The following INSYN2B variants were observed in gnomAD, a reference collection of about 807,000 sequenced individuals.
The protein encoded by INSYN2B is inhibitory synaptic factor family member 2B.
INSYN2B carries 16 observed loss-of-function variants against 41.2 expected under a neutral mutation model. That is an observed-to-expected ratio of 0.39 (90% CI 0.26 to 0.59). The LOEUF (loss-of-function observed/expected upper bound fraction) is 0.59. INSYN2B is among the 20% of genes least tolerant of loss of function. The probability of loss-of-function intolerance (pLI) is 0.57; values close to 1 mark genes in which losing one functional copy is unlikely to be tolerated. For synonymous variants in INSYN2B, 245 were observed against 244.4 expected, an observed-to-expected ratio of 1.00 and a Z score of -0.02; for missense variants, 608 against 646.4, an observed-to-expected ratio of 0.94 and a Z score of 0.64.
At chr5:169,959,850 A>G (rs1777013019) in intron 1 of INSYN2B, among the ~76,000 whole-genome samples, 1 of 152,232 alleles carries the variant, frequency 6.6e-6, no homozygotes, top group South Asian at 2.1e-4. Flanking sequence ...CAACAATAGG[A>G]TGGAAAAGAG....
chr5:169,887,565 G>A (rs1716150410), intron 1 of INSYN2B, among the ~76,000 whole-genome samples: 1 of 152,122 alleles, frequency 6.6e-6, no homozygotes, highest in Admixed American at 6.6e-5. Flanking sequence ...AGATCACACT[G>A]TCCTTTTAAG....
At chr5:169,970,930 C>A (rs1777479595) in intron 1 of INSYN2B, among the ~76,000 whole-genome samples, 1 of 151,894 alleles carries the variant, frequency 6.6e-6, no homozygotes, top group African/African-American at 2.4e-5. Flanking sequence ...CAGGAAGAAA[C>A]CTTCAAAGGC....
At chr5:169,924,059 G>T (rs943591074) in intron 1 of INSYN2B, among the ~76,000 whole-genome samples, 21 of 152,172 alleles carry the variant, frequency 1.4e-4, no homozygotes, top group African/African-American at 5.1e-4. Flanking sequence ...GATGCCCCTT[G>T]TCTCCTCCTG....
chr5:169,945,816 G>A lies in INSYN2B; in HGVS notation c.-919+34461C>T, dbSNP rs539893841. Among the ~76,000 whole-genome samples, 6 of 152,250 alleles carry A rather than the reference G, an allele frequency of 3.9e-5. No homozygotes were observed. The South Asian group carries it at 6.2e-4, about 16-fold the overall frequency. On this transcript the variant is annotated intron_variant, in intron 1 of 3. Coordinates refer to ENST00000377365, the MANE Select transcript of INSYN2B (RefSeq NM_001129891.3). Reference sequence around the variant, plus strand: ...TGGCTTTTGCTTATTGTTTGGATTCGCCCACGGCCTCCGTCCTTTGTGCAG... The same window carrying A: ...TGGCTTTTGCTTATTGTTTGGATTCACCCACGGCCTCCGTCCTTTGTGCAG...
intron 1 of INSYN2B, among the ~76,000 whole-genome samples, chr5:169,900,971 G>A (rs1162659500): frequency 6.6e-6 from 1 of 152,080 alleles, no homozygotes; most frequent in Non-Finnish European, 1.5e-5. Flanking sequence ...TGTCTATTTT[G>A]GAACTTAGTT....
intron 1 of INSYN2B, among the ~76,000 whole-genome samples, chr5:169,944,153 A>G (rs1279449539): frequency 2.6e-5 from 4 of 152,188 alleles, no homozygotes; most frequent in Non-Finnish European, 5.9e-5. Flanking sequence ...GGAGAAATTG[A>G]GGCTCAGGGG....
In INSYN2B at chr5:169,875,499, G is replaced by A. The variant is rs188050595; in HGVS notation, c.1421+5869C>T. 265 of 324,088 alleles carry A rather than the reference G, an allele frequency of 8.2e-4. 2 individuals carry two copies. Among genetic ancestry groups the A allele is most frequent in the Non-Finnish European group, 4.5e-4 (73 of 162,720 alleles). 20.1% of individuals were successfully genotyped at this position (324,088 alleles called of 1,614,324 possible). ...TCTGGCATCTGGAAGGCAGCATGCT[G>A]TGGAATCTGGCTTGTTGGAAGACAG... On this transcript the variant is annotated intron_variant, in intron 3 of 3. Coordinates refer to ENST00000377365, the MANE Select transcript of INSYN2B (RefSeq NM_001129891.3).
chr5:169,962,352 C>T lies in INSYN2B; in HGVS notation c.-919+17925G>A, dbSNP rs139701018. On this transcript the variant is annotated intron_variant, in intron 1 of 3. Transcript: ENST00000377365. The stretch of plus-strand genomic sequence containing the variant: ...TGGTCAAGAGTTGGATATGGCCAGT[C>T]AGAAAAAGTGGTAAAGATGTCAAAG... Among the ~76,000 whole-genome samples, 959 of 152,164 alleles carry T rather than the reference C, an allele frequency of 6.3e-3. 5 individuals are homozygous for T. The highest frequency in any genetic ancestry group is 9.6e-3 in the Admixed American group (147 of 15,286).
Position 169,883,672 on chromosome 5 carries a change from G to T in INSYN2B, c.227C>A (p.Pro76His). 1.3e-6 allele frequency: 2 copies of T among 1,550,994 alleles called. No homozygotes were observed. The highest frequency in any genetic ancestry group is 1.7e-6 in the Non-Finnish European group (2 of 1,146,576). ...GGGGAAGGAGAGCGAGTAGGTGGGG[G>T]GAAGATGGTGCCTGGTTGCTTGAGT... is the stretch of plus-strand genomic sequence containing the variant. Reference protein sequence around the residue: ...GKTQATRHHLPPTYSLSFPRS... With the variant: ...GKTQATRHHLHPTYSLSFPRS... The change falls in exon 2 of 4, where the codon CCC (proline) becomes CAC (histidine). Residue 76 changes from proline to histidine, a missense_variant. Coordinates refer to ENST00000377365, the MANE Select transcript of INSYN2B (RefSeq NM_001129891.3).
chr5:169,961,042 A>G (rs771168829), intron 1 of INSYN2B, among the ~76,000 whole-genome samples: 10 of 152,222 alleles, frequency 6.6e-5, no homozygotes, highest in Non-Finnish European at 5.9e-5. Context: ...TGTAACTATC[A>G]TGGTAAACAC....
intron 3 of INSYN2B, chr5:169,875,446 C>T (rs1772269998): frequency 2.7e-6 from 1 of 377,094 alleles, no homozygotes; most frequent in Non-Finnish European, 5.3e-6. Flanking sequence ...TCGAACATTC[C>T]ACTGAGACCT....
chr5:169,963,665 C>T (rs889427404), intron 1 of INSYN2B, among the ~76,000 whole-genome samples: 1 of 152,158 alleles, frequency 6.6e-6, no homozygotes, highest in African/African-American at 2.4e-5. Context: ...CACCCCCTCA[C>T]CCAGTCTTGG....
chr5:169,969,454 AG>A (rs1322895737), intron 1 of INSYN2B, among the ~76,000 whole-genome samples: 1 of 152,206 alleles, frequency 6.6e-6, no homozygotes, highest in African/African-American at 2.4e-5. Context: ...CAAAAAACAA[AG>A]AAAAAAGAAA....
intron 1 of INSYN2B, among the ~76,000 whole-genome samples, chr5:169,954,512 C>A (rs1431933726): frequency 1.3e-5 from 2 of 152,342 alleles, no homozygotes; most frequent in East Asian, 1.9e-4. Context: ...CTCTTGGCCA[C>A]CCCCCTGAAG....
At chr5:169,942,264 T>A (rs948115676) in intron 1 of INSYN2B, among the ~76,000 whole-genome samples, 1 of 152,226 alleles carries the variant, frequency 6.6e-6, no homozygotes, top group African/African-American at 2.4e-5. Context: ...TTCCTTGGTC[T>A]ATTCTCTCTC....
intron 1 of INSYN2B, among the ~76,000 whole-genome samples, chr5:169,886,527 C>A (rs998611100): frequency 4.6e-5 from 7 of 152,132 alleles, no homozygotes; most frequent in African/African-American, 1.7e-4. Context: ...AGCTCAGTAC[C>A]CAATTCCCTA....
At chr5:169,954,304 G>A (rs186950403) in intron 1 of INSYN2B, among the ~76,000 whole-genome samples, 5 of 152,328 alleles carry the variant, frequency 3.3e-5, no homozygotes, top group East Asian at 1.9e-4. Context: ...GTTTTTAAGT[G>A]TAATAAAATT....
chr5:169,924,431 C>G (rs1775332486), intron 1 of INSYN2B, among the ~76,000 whole-genome samples: 1 of 152,226 alleles, frequency 6.6e-6, no homozygotes, highest in Non-Finnish European at 1.5e-5. Flanking sequence ...ATCCTGTCAG[C>G]AAATCACATT....
intron 1 of INSYN2B, among the ~76,000 whole-genome samples, chr5:169,906,681 T>C (rs1204344139): frequency 1.3e-5 from 2 of 152,150 alleles, no homozygotes; most frequent in African/African-American, 4.8e-5. Context: ...GTCACATACC[T>C]GAGCTGGAGC....
Sources: allele counts gnomAD v4.1 joint callset (sites outside exome capture counted in the v4.1 genomes callset), GRCh38; gene constraint gnomAD v4.1.1; transcripts MANE v1.5; gene names NCBI Gene and HGNC (gene_info 2026-07-23, HGNC 2026-07-21).